RUNDC3B: variants seen among roughly 807,000 people sequenced by gnomAD.
The protein encoded by RUNDC3B is RUN domain-containing protein 3B.
Under a neutral mutation model 58.4 loss-of-function variants are expected in RUNDC3B, and 33 were observed. That is an observed-to-expected ratio of 0.56 (90% CI 0.43 to 0.75). The LOEUF is 0.75. RUNDC3B is among the 30% of genes least tolerant of loss of function. RUNDC3B has a pLI of 0.00. For synonymous variants in RUNDC3B, 193 were observed against 195.2 expected (o/e 0.99, Z 0.10); for missense variants, 501 against 535.7 (o/e 0.94, Z 0.64).
intron 6 of RUNDC3B, among the ~76,000 whole-genome samples, chr7:87,745,673 TAGTG>T (rs1326313014): frequency 6.6e-6 from 1 of 152,158 alleles, no homozygotes; most frequent in Non-Finnish European, 1.5e-5. Context: ...TTTCATTTCT[TAGTG>T]AGGTTATTTT....
In RUNDC3B at chr7:87,829,908, C is replaced by T. The variant is rs773011983; in HGVS notation, c.1249C>T (p.Leu417Phe). 5 of 1,605,388 alleles carry T rather than the reference C, an allele frequency of 3.1e-6. No individual in the cohort carries two copies. The African/African-American group carries it at 6.7e-5, about 22-fold the overall frequency. Reference protein sequence around the residue: ...SEGKEDTPSLLGLCGSLTSVA... With the variant: ...SEGKEDTPSLFGLCGSLTSVA... ...AGGTAAGGAAGATACTCCCTCATTA[C>T]TTGGCCTCTGTGGATCTCTAACGTC... The change falls in exon 11 of 11, where the codon CTT becomes TTT. Residue 417 changes from leucine (L) to phenylalanine (F), a missense_variant. By Grantham distance (22) the Leu-to-Phe change is conservative. Transcript: ENST00000394654.
intron 2 of RUNDC3B, among the ~76,000 whole-genome samples, chr7:87,694,778 T>C (rs1828350662): frequency 6.6e-6 from 1 of 152,174 alleles, no homozygotes; most frequent in Non-Finnish European, 1.5e-5. Context: ...AAACGTTTGT[T>C]CTCCATTTCA....
chr7:87,754,892 C>T (rs963918136), intron 6 of RUNDC3B, among the ~76,000 whole-genome samples: 1 of 108,828 alleles, frequency 9.2e-6, no homozygotes, highest in Admixed American at 1.2e-4. Flanking sequence ...ATTACCTGAA[C>T]AGAACAATAA....
chr7:87,748,981 G>A (rs1261011946), intron 6 of RUNDC3B, among the ~76,000 whole-genome samples: 1 of 152,156 alleles, frequency 6.6e-6, no homozygotes, highest in East Asian at 1.9e-4. Context: ...GGATTACTAG[G>A]CACCGCTGTC....
In RUNDC3B at chr7:87,814,736, G is replaced by A. The variant is rs73706933; in HGVS notation, c.1104-1405G>A. On this transcript the variant is annotated intron_variant, in intron 9 of 10. Transcript: ENST00000394654. ...TAATCATCATAAGTTTCCTGCAATA[G>A]TAGAATTTTCTGGTAGTTAAAAATT... Among the ~76,000 whole-genome samples, 1,200 of 152,124 alleles carry A rather than the reference G, an allele frequency of 7.9e-3. 22 individuals are homozygous for A. Among genetic ancestry groups the A allele is most frequent in the African/African-American group, 0.027 (1,136 of 41,520 alleles).
At chr7:87,738,548 A>G (rs548622826) in intron 4 of RUNDC3B, among the ~76,000 whole-genome samples, 15 of 152,056 alleles carry the variant, frequency 9.9e-5, no homozygotes, top group Middle Eastern at 3.4e-3. Context: ...CTTTTTATTC[A>G]TTTAATATTC....
At chr7:87,817,692 C>G (rs1837140648) in intron 10 of RUNDC3B, among the ~76,000 whole-genome samples, 1 of 152,128 alleles carries the variant, frequency 6.6e-6, no homozygotes, top group Non-Finnish European at 1.5e-5. Flanking sequence ...CACCCCCATC[C>G]CCATCTCTGT....
chr7:87,681,202 A>G (rs1480967496), intron 2 of RUNDC3B, among the ~76,000 whole-genome samples: 1 of 150,730 alleles, frequency 6.6e-6, no homozygotes, highest in Admixed American at 6.6e-5. Flanking sequence ...AAAACCTTCC[A>G]ACAATGAAAA....
chr7:87,738,530 A>G (rs950834550), intron 4 of RUNDC3B, among the ~76,000 whole-genome samples: 3 of 151,880 alleles, frequency 2.0e-5, no homozygotes, highest in Non-Finnish European at 4.4e-5. Context: ...TATTTTTTCC[A>G]TTTTGTACTT....
intron 2 of RUNDC3B, among the ~76,000 whole-genome samples, chr7:87,691,938 A>G (rs1828053804): frequency 6.6e-6 from 1 of 152,180 alleles, no homozygotes; most frequent in South Asian, 2.1e-4. Context: ...ATTTGACTAC[A>G]TTAGATAACT....
chr7:87,687,198 A>G (rs1458148993), intron 2 of RUNDC3B, among the ~76,000 whole-genome samples: 1 of 151,952 alleles, frequency 6.6e-6, no homozygotes, highest in Non-Finnish European at 1.5e-5. Flanking sequence ...TTCCCCCACA[A>G]CTTACTGTTC....
intron 2 of RUNDC3B, among the ~76,000 whole-genome samples, chr7:87,676,549 C>T (rs1826375884): frequency 6.6e-6 from 1 of 151,402 alleles, no homozygotes; most frequent in Non-Finnish European, 1.5e-5. Context: ...ACTGAAAACA[C>T]AATAATTAGC....
chr7:87,694,074 T>C, intron 2 of RUNDC3B: 1 of 1,527,162 alleles, frequency 6.5e-7, no homozygotes, highest in Non-Finnish European at 8.7e-7. Context: ...ATGGGTTTTG[T>C]AAAGCCTTCT....
intron 8 of RUNDC3B, among the ~76,000 whole-genome samples, chr7:87,787,118 G>A (rs1373646577): frequency 6.6e-6 from 1 of 152,064 alleles, no homozygotes; most frequent in Non-Finnish European, 1.5e-5. Flanking sequence ...TACTGAACAG[G>A]AGCATAAGAT....
chr7:87,741,389 G>C, intron 5 of RUNDC3B, 110 bp from the exon 6 acceptor site: 1 of 567,442 alleles, frequency 1.8e-6, no homozygotes, highest in Admixed American at 3.5e-5. Flanking sequence ...AAAAAAATTC[G>C]CTTGCCATTT....
At chr7:87,805,830 A>G (rs933644691) in intron 8 of RUNDC3B, among the ~76,000 whole-genome samples, 2 of 152,170 alleles carry the variant, frequency 1.3e-5, no homozygotes, top group African/African-American at 4.8e-5. Flanking sequence ...CCCTCAAGAA[A>G]TGGAATATAT....
chr7:87,820,434 T>A (rs1017081941), intron 10 of RUNDC3B, among the ~76,000 whole-genome samples: 4 of 152,158 alleles, frequency 2.6e-5, no homozygotes, highest in African/African-American at 9.7e-5. Context: ...ACCAGATGGA[T>A]TCACAGCTGA....
chr7:87,750,506 G>T (rs1195352755), intron 6 of RUNDC3B, among the ~76,000 whole-genome samples: 1 of 152,088 alleles, frequency 6.6e-6, no homozygotes, highest in African/African-American at 2.4e-5. Flanking sequence ...CAGTGTAAAA[G>T]TGTTCCTATT....
At chr7:87,780,911 G>A (rs181036432) in intron 8 of RUNDC3B, among the ~76,000 whole-genome samples, 9 of 152,094 alleles carry the variant, frequency 5.9e-5, no homozygotes, top group Middle Eastern at 3.4e-3. Flanking sequence ...GTTTAAAGTC[G>A]GGTAATGTGA....
Sources: allele counts gnomAD v4.1 joint callset (sites outside exome capture counted in the v4.1 genomes callset), GRCh38; gene constraint gnomAD v4.1.1; transcripts MANE v1.5; gene names NCBI Gene and HGNC (gene_info 2026-07-23, HGNC 2026-07-21).